Variants in KIF1A observed in about 807,000 individuals in gnomAD.
The protein encoded by KIF1A is kinesin family member 1A.
A neutral mutation model predicts 227.3 loss-of-function variants in KIF1A; 46 were observed. That is an observed-to-expected ratio of 0.20 (90% CI 0.16 to 0.26). KIF1A has a LOEUF of 0.26. Ranked by LOEUF, KIF1A falls within the 10% of genes least tolerant of loss-of-function variation. The pLI, the probability that KIF1A is intolerant of heterozygous loss-of-function variation, is 1.00. For missense variants in KIF1A, 1,683 were observed against 2,485.9 expected (o/e 0.68, Z 6.87); for synonymous variants, 1,022 against 1,012.8 (o/e 1.01, Z -0.17).
intron 1 of KIF1A, among the ~76,000 whole-genome samples, chr2:240,800,215 G>GA (rs2056847063): frequency 6.6e-6 from 1 of 151,992 alleles, no homozygotes; most frequent in Non-Finnish European, 1.5e-5. Flanking sequence ...CTCCCGTATT[G>GA]AAAAAATAAA....
chr2:240,802,879 C>T (rs528348160), intron 1 of KIF1A, among the ~76,000 whole-genome samples: 37 of 152,296 alleles, frequency 2.4e-4, no homozygotes, highest in African/African-American at 8.4e-4. Context: ...ATCCTCCCAT[C>T]TCAGCTCCCC....
chr2:240,797,317 C>G (rs542015631), intron 2 of KIF1A, among the ~76,000 whole-genome samples: 98 of 152,314 alleles, frequency 6.4e-4, no homozygotes, highest in South Asian at 3.3e-3. Context: ...TAGAGCAACG[C>G]TGCTGCAAGC....
At chr2:240,723,749 T>C (rs1336085437) in intron 41 of KIF1A, among the ~76,000 whole-genome samples, 191 bp from the exon 42 acceptor site, 1 of 152,100 alleles carries the variant, frequency 6.6e-6, no homozygotes, top group Non-Finnish European at 1.5e-5. Flanking sequence ...CAGCCCGGCG[T>C]CCCATGGCCA....
At position 240,716,560 on chromosome 2, in the gene KIF1A, G is replaced by A. The variant is rs997076828; in HGVS notation, c.*804C>T. 3 of 152,248 alleles carry A rather than the reference G, an allele frequency of 2.0e-5. No individual in the cohort carries two copies. Among genetic ancestry groups the A allele is most frequent in the Non-Finnish European group, 2.9e-5 (2 of 68,036 alleles). The allele number at this position is 152,248 out of a possible 1,614,324, so 9.4% of individuals were successfully genotyped here. ...TCTGCCTCATCTCAGAGCCAGAGCC[G>A]AGTGTCACCCCTCACCCTTTCCTGG... On this transcript the variant is annotated 3_prime_UTR_variant, in exon 49 of 49. Coordinates refer to ENST00000498729, the MANE Select transcript of KIF1A (RefSeq NM_001244008.2).
At chr2:240,724,099 C>G (rs1333825473) in intron 40 of KIF1A, 63 bp from the exon 41 acceptor site, 7 of 1,448,384 alleles carry the variant, frequency 4.8e-6, no homozygotes, top group African/African-American at 2.8e-5. Flanking sequence ...ACACAGCCAG[C>G]CTGGCTGCTG....
intron 20 of KIF1A, 50 bp downstream of exon 20, chr2:240,765,660 C>G (rs202211932): frequency 7.0e-7 from 1 of 1,421,298 alleles, no homozygotes; most frequent in Non-Finnish European, 9.9e-7. Context: ...ACAGAGGCCT[C>G]GCCTCATGCC....
At chr2:240,772,676 C>T (rs929762905) in intron 13 of KIF1A, 80 bp from the exon 14 acceptor site, 2 of 1,194,838 alleles carry the variant, frequency 1.7e-6, no homozygotes, top group African/African-American at 1.5e-5. Context: ...GTCAGGCACG[C>T]CTTTCACAGG....
In KIF1A at chr2:240,721,666, G is replaced by A. The variant is rs1045659277; in HGVS notation, c.4743+141C>T. The stretch of plus-strand genomic sequence containing the variant: ...AGGGAAACCAGCCACTTAGGTATGA[G>A]GTGTCCCTCTGCACTGAGACGTGTT... On this transcript the variant is annotated intron_variant, in intron 44 of 48. Transcript: ENST00000498729. 11 of 711,520 alleles carry A rather than the reference G, an allele frequency of 1.5e-5. No individual in the cohort carries two copies. The African/African-American group carries it at 1.6e-4, about 10-fold the overall frequency. 44.1% of individuals were successfully genotyped at this position (711,520 alleles called of 1,614,324 possible). A position where few individuals can be genotyped will look rare whatever the true frequency, so the allele number is the denominator to read the frequency against.
At position 240,762,488 on chromosome 2, in the gene KIF1A, C is replaced by T. The variant is rs57954056; in HGVS notation, c.2116+231G>A. On this transcript the variant is annotated intron_variant, in intron 23 of 48. Coordinates refer to ENST00000498729, the MANE Select transcript of KIF1A (RefSeq NM_001244008.2). ...GTGAATGTGTGCATGTGTGTACACA[C>T]GCCAGTGCGTGAGTGTGCAGAGCTG... Among the ~76,000 whole-genome samples, 7,400 of 152,332 alleles carry T rather than the reference C, an allele frequency of 0.049. 384 individuals are homozygous for T. The highest frequency in any genetic ancestry group is 0.12 in the African/African-American group (5,150 of 41,564).
At chr2:240,811,165 C>G (rs1476572789) in intron 1 of KIF1A, among the ~76,000 whole-genome samples, 2 of 152,070 alleles carry the variant, frequency 1.3e-5, no homozygotes, top group Non-Finnish European at 2.9e-5. Context: ...AGTTAGTGGC[C>G]ACCCTGGCTT....
intron 47 of KIF1A, 63 bp downstream of exon 47, chr2:240,718,943 G>A (rs1200315495): frequency 7.4e-7 from 1 of 1,349,764 alleles, no homozygotes; most frequent in Non-Finnish European, 1.0e-6. Flanking sequence ...GCAGAGGATG[G>A]TGGCTCAGCT....
At chr2:240,724,066 T>C in intron 40 of KIF1A, 30 bp from the exon 41 acceptor site, 1 of 1,598,600 alleles carries the variant, frequency 6.3e-7, no homozygotes, top group Non-Finnish European at 8.6e-7. Flanking sequence ...TGACATGCAG[T>C]CACCAGGCCC....
chr2:240,744,317 C>A (rs773328266), intron 32 of KIF1A, among the ~76,000 whole-genome samples: 3 of 152,150 alleles, frequency 2.0e-5, no homozygotes, highest in African/African-American at 4.8e-5. Flanking sequence ...GGCTCAGCTG[C>A]CCTTTCAGAA....
chr2:240,770,994 C>G lies in KIF1A; in HGVS notation c.1318G>C (p.Glu440Gln). 6.2e-7 allele frequency: 1 copy of G among 1,612,250 alleles called. No individual in the cohort carries two copies. The highest frequency in any genetic ancestry group is 8.5e-7 in the Non-Finnish European group (1 of 1,179,840). Residue 440 changes from glutamate to glutamine, a missense_variant, in exon 15 of 49, where the codon GAG (glutamate) becomes CAG (glutamine). Coordinates refer to ENST00000498729, the MANE Select transcript of KIF1A (RefSeq NM_001244008.2). ...ACCTTCAGTCTTTCAATGGCCTCCT[C>G]GCTGCCCGGGGCAAACAAGATGCGC... is the stretch of plus-strand genomic sequence containing the variant. ...HERILFAPGS[E>Q]EAIERLKETE...
intron 1 of KIF1A, among the ~76,000 whole-genome samples, chr2:240,800,470 C>T (rs911704356): frequency 1.3e-5 from 2 of 152,152 alleles, no homozygotes; most frequent in South Asian, 2.1e-4. Context: ...GCTGCCAAGA[C>T]GGGAGCTGGC....
At chr2:240,731,501 A>T (rs1224467485) in intron 38 of KIF1A, among the ~76,000 whole-genome samples, 1 of 152,200 alleles carries the variant, frequency 6.6e-6, no homozygotes, top group East Asian at 1.9e-4. Flanking sequence ...GGAGACAACC[A>T]GCATGTCACT....
rs1328836658 is a variant in KIF1A, at chr2:240,740,854, A to AC, written c.3749+414dup. Among the ~76,000 whole-genome samples the AC allele has an allele frequency of 1.3e-5, 2 of 151,546 alleles. No homozygotes were observed. Among genetic ancestry groups the AC allele is most frequent in the Non-Finnish European group, 1.5e-5 (1 of 67,860 alleles). On this transcript the variant is annotated intron_variant, in intron 35 of 48. Coordinates refer to ENST00000498729, the MANE Select transcript of KIF1A (RefSeq NM_001244008.2). This position sits in a 1 kb window ranked among gnomAD's most constrained non-coding sequence, Gnocchi z 6.1. ...CAGCTGCCCCCAGGGCACCAGGCAG[A>AC]CCCCCACTGGCCTCCACCCTGGGGC... is the stretch of plus-strand genomic sequence containing the variant.
intron 34 of KIF1A, among the ~76,000 whole-genome samples, chr2:240,741,978 C>T (rs1315428812): frequency 6.6e-6 from 1 of 152,208 alleles, no homozygotes; most frequent in East Asian, 1.9e-4. Context: ...AGCAAGTCCC[C>T]TCCTCTGCCT....
Position 240,752,153 on chromosome 2 carries a change from C to T in KIF1A, c.2859-1606G>A, listed in dbSNP as rs1405567316. ...TTGGGCCCTCTCCCCAGCACAACGCCCCCTCTGAAGATGCCCCCCGAGAAG... is the reference window on the plus strand; with the variant it reads ...TTGGGCCCTCTCCCCAGCACAACGCTCCCTCTGAAGATGCCCCCCGAGAAG... On this transcript the variant is annotated intron_variant, in intron 27 of 48. Coordinates refer to ENST00000498729, the MANE Select transcript of KIF1A (RefSeq NM_001244008.2). The surrounding 1 kb of genome is among the most constrained non-coding windows in gnomAD (Gnocchi z 6.4). 6.6e-6 allele frequency among the ~76,000 whole-genome samples: 1 copy of T among 152,016 alleles called. No individual in the cohort carries two copies.
Sources: allele counts gnomAD v4.1 joint callset (sites outside exome capture counted in the v4.1 genomes callset), GRCh38; gene constraint gnomAD v4.1.1; non-coding constraint Gnocchi (gnomAD v3.1); transcripts MANE v1.5; gene names NCBI Gene and HGNC (gene_info 2026-07-23, HGNC 2026-07-21).